SLK: variants seen among roughly 807,000 people sequenced by gnomAD.
SLK encodes STE20-like serine/threonine-protein kinase.
In SLK, 67 loss-of-function variants were observed where a neutral mutation model predicts 147.7. The observed-to-expected ratio is 0.45, with a 90% CI of 0.37 to 0.56. The LOEUF is 0.56. Among genes scored for constraint, SLK ranks in the 20% least tolerant of loss-of-function variants. The pLI is 0.00. For synonymous variants in SLK, 441 were observed against 475.0 expected (o/e 0.93, Z 0.93); for missense variants, 1,136 against 1,438.8 (o/e 0.79, Z 3.41).
intron 18 of SLK, among the ~76,000 whole-genome samples, chr10:104,022,128 G>A (rs1457276423): frequency 1.3e-5 from 2 of 152,090 alleles, no homozygotes; most frequent in African/African-American, 4.8e-5. Flanking sequence ...AGGGAGAAGA[G>A]AATGAGTGAA....
intron 12 of SLK, among the ~76,000 whole-genome samples, 185 bp from the exon 13 acceptor site, chr10:104,010,631 C>T (rs967456207): frequency 3.9e-5 from 6 of 152,176 alleles, no homozygotes; most frequent in African/African-American, 1.4e-4. Context: ...ATGTCCCTTT[C>T]TGCACTGAGA....
intron 15 of SLK, among the ~76,000 whole-genome samples, chr10:104,019,491 C>G (rs1196576602): frequency 4.6e-5 from 7 of 152,078 alleles, no homozygotes; most frequent in Non-Finnish European, 8.8e-5. Flanking sequence ...AGGCTGGTCT[C>G]AAACTCCTAG....
At chr10:103,978,611 C>T (rs1843900335) in intron 1 of SLK, among the ~76,000 whole-genome samples, 1 of 152,100 alleles carries the variant, frequency 6.6e-6, no homozygotes, top group Non-Finnish European at 1.5e-5. Flanking sequence ...GTGATAATCT[C>T]ATCTCAAGAT....
chr10:103,991,287 C>T (rs1844089840), intron 2 of SLK, among the ~76,000 whole-genome samples: 1 of 152,048 alleles, frequency 6.6e-6, no homozygotes, highest in South Asian at 2.1e-4. Flanking sequence ...TCAGGTTCAA[C>T]TTTAGTGCAT....
chr10:104,000,045 G>A (rs1844225188), intron 7 of SLK, 97 bp downstream of exon 7: 1 of 547,662 alleles, frequency 1.8e-6, no homozygotes, highest in African/African-American at 2.0e-5. Flanking sequence ...AAATTTCCCT[G>A]TGGAGAGTCA....
chr10:103,970,451 T>A (rs1241453284), intron 1 of SLK, among the ~76,000 whole-genome samples: 1 of 152,252 alleles, frequency 6.6e-6, no homozygotes, highest in African/African-American at 2.4e-5. Context: ...ATTTCTGTGA[T>A]CTTGATGACT....
rs1844223662 is a variant in SLK at position 103,999,935 on chromosome 10, C to G, written c.851C>G (p.Ser284Cys). Residue 284 changes from serine (S) to cysteine (C), a missense_variant, in exon 7 of 19, where the codon TCT (serine) becomes TGT (cysteine). Physicochemically the swap from Ser to Cys is moderately radical, Grantham distance 112 (BLOSUM62 -1). Transcript: ENST00000369755. Reference sequence around the variant, plus strand: ...AATGTGGATGCCAGGTGGACTACATCTCAGCTGCTGCAGGTAAGAGAGTAT... The same window carrying G: ...AATGTGGATGCCAGGTGGACTACATGTCAGCTGCTGCAGGTAAGAGAGTAT... ...EKNVDARWTTSQLLQHPFVTV... is the reference protein window; with the variant it reads ...EKNVDARWTTCQLLQHPFVTV... The G allele has an allele frequency of 6.6e-7, 1 of 1,524,572 alleles. No homozygotes were observed. Among genetic ancestry groups the G allele is most frequent in the Non-Finnish European group, 9.0e-7 (1 of 1,110,186 alleles). 94.4% of individuals were successfully genotyped at this position (1,524,572 alleles called of 1,614,324 possible).
chr10:104,008,164 T>C lies in SLK; in HGVS notation c.2605-13T>C. The stretch of plus-strand genomic sequence containing the variant: ...ATGGAAAAGTTATCATCTTGAGCTA[T>C]ATTGTTTTACAGAGTAAAAAGCGAC... On this transcript the variant is annotated splice_polypyrimidine_tract_variant and intron_variant, in intron 11 of 18. Coordinates refer to ENST00000369755, the MANE Select transcript of SLK (RefSeq NM_014720.4). 6.2e-7 allele frequency: 1 copy of C among 1,603,486 alleles called. No homozygotes were observed. Among genetic ancestry groups the C allele is most frequent in the African/African-American group, 1.3e-5 (1 of 74,148 alleles).
At chr10:104,010,494 G>A (rs1005871830) in intron 12 of SLK, among the ~76,000 whole-genome samples, 3 of 152,206 alleles carry the variant, frequency 2.0e-5, no homozygotes, top group Admixed American at 1.3e-4. Context: ...AACAAGGTCA[G>A]TTGAGTTTAT....
At position 103,998,925 on chromosome 10, in the gene SLK, A is replaced by G; in HGVS notation, c.541A>G (p.Thr181Ala). 1 of 1,612,252 alleles carries G rather than the reference A, an allele frequency of 6.2e-7. No homozygotes were observed. Among genetic ancestry groups the G allele is most frequent in the Non-Finnish European group, 8.5e-7 (1 of 1,178,468 alleles). The change falls in exon 5 of 19, where the codon ACG becomes GCG. Residue 181 changes from threonine to alanine, a missense_variant. Thr to Ala is a moderately conservative substitution (Grantham distance 58). This residue lies in a region of SLK where 141 missense variants were observed against 219.3 expected (regional missense o/e 0.64). Coordinates refer to ENST00000369755, the MANE Select transcript of SLK (RefSeq NM_014720.4). ...GGATTTTGGAGTATCAGCTAAAAAC[A>G]CGAGGACAATTCAAAGAAGAGATTC... is the stretch of plus-strand genomic sequence containing the variant. ...LADFGVSAKN[T>A]RTIQRRDSFI...
At chr10:104,011,149 GTA>G (rs1260072501) in intron 13 of SLK, among the ~76,000 whole-genome samples, 1 of 152,176 alleles carries the variant, frequency 6.6e-6, no homozygotes, top group Non-Finnish European at 1.5e-5. Context: ...AAATAAACAA[GTA>G]TATGAATGTA....
At chr10:103,975,266 G>A (rs1014553547) in intron 1 of SLK, among the ~76,000 whole-genome samples, 8 of 151,848 alleles carry the variant, frequency 5.3e-5, no homozygotes, top group African/African-American at 1.7e-4. Flanking sequence ...ACCTTAAACT[G>A]CAAGTCCAAA....
chr10:103,984,953 A>G (rs1478229505), intron 1 of SLK, among the ~76,000 whole-genome samples: 2 of 152,176 alleles, frequency 1.3e-5, no homozygotes, highest in African/African-American at 4.8e-5. Flanking sequence ...TTTGACCAAG[A>G]TTTTTAATAG....
At chr10:103,999,347 C>T (rs749777736) in intron 6 of SLK, 34 bp downstream of exon 6, 3 of 1,444,566 alleles carry the variant, frequency 2.1e-6, no homozygotes, top group Non-Finnish European at 9.5e-7. Flanking sequence ...TAATAAGAAA[C>T]AAATGATACT....
At chr10:104,013,369 G>T (rs1457670904) in intron 13 of SLK, among the ~76,000 whole-genome samples, 4 of 152,202 alleles carry the variant, frequency 2.6e-5, no homozygotes, top group Non-Finnish European at 5.9e-5. Context: ...CACTTTTGCT[G>T]TGGTTTATAA....
At chr10:103,978,179 C>T (rs1843895107) in intron 1 of SLK, among the ~76,000 whole-genome samples, 2 of 152,062 alleles carry the variant, frequency 1.3e-5, no homozygotes, top group African/African-American at 4.8e-5. Flanking sequence ...TTTTCTGGCA[C>T]AATTTTAAAG....
intron 1 of SLK, among the ~76,000 whole-genome samples, chr10:103,984,949 C>T (rs556271486): frequency 6.6e-6 from 1 of 152,062 alleles, no homozygotes; most frequent in South Asian, 2.1e-4. Context: ...AAGATTTGAC[C>T]AAGATTTTTA....
At chr10:104,001,056 CT>C (rs1478694719) in intron 7 of SLK, among the ~76,000 whole-genome samples, 4 of 57,046 alleles carry the variant, frequency 7.0e-5, no homozygotes, top group Non-Finnish European at 9.2e-5. Context: ...GAGACTCCGT[CT>C]CAAAAAAAAA....
rs192363594 is a variant in SLK at position 104,025,740 on chromosome 10, C to T, written c.*20C>T. 5.0e-5 allele frequency: 81 copies of T among 1,611,400 alleles called. No homozygotes were observed. The highest frequency in any genetic ancestry group is 2.5e-4 in the East Asian group (11 of 44,852). Reference sequence around the variant, plus strand: ...TCATAACAAAGGGAAGCATTCTGTGCGTGGGTTTGGCTCTTTCAGTATGTC... The same window carrying T: ...TCATAACAAAGGGAAGCATTCTGTGTGTGGGTTTGGCTCTTTCAGTATGTC... On this transcript the variant is annotated 3_prime_UTR_variant, in exon 19 of 19. Coordinates refer to ENST00000369755, the MANE Select transcript of SLK (RefSeq NM_014720.4).
Sources: gnomAD v4.1 joint callset for allele counts (sites outside exome capture counted in the v4.1 genomes callset) on GRCh38, gnomAD v4.1.1 for gene constraint, gnomAD v4.1.1 regional missense constraint, MANE v1.5 for transcripts, NCBI Gene and HGNC (gene_info 2026-07-23, HGNC 2026-07-21) for gene names.